SMIM10L3: variants seen among roughly 807,000 people sequenced by gnomAD.
SMIM10L3 encodes the protein salivary gland specific protein SAGSIN1.
the SMIM10L3 span, among the ~76,000 whole-genome samples, chr7:6,343,086 G>C: frequency 6.7e-6 from 1 of 149,846 alleles, no homozygotes; most frequent in Non-Finnish European, 1.5e-5. Context: ...GAAAAGAAAA[G>C]AAAAAATTGG....
chr7:6,347,736 C>A, the SMIM10L3 span, among the ~76,000 whole-genome samples: 1 of 151,894 alleles, frequency 6.6e-6, no homozygotes, highest in Non-Finnish European at 1.5e-5. Flanking sequence ...ACTTCCAATC[C>A]ATTTTTAGCT....
the SMIM10L3 span, among the ~76,000 whole-genome samples, chr7:6,331,635 C>T: frequency 6.6e-6 from 1 of 151,916 alleles, no homozygotes; most frequent in African/African-American, 2.4e-5. Flanking sequence ...TCGCCTTGGC[C>T]TCCCAAAGTA....
the SMIM10L3 span, among the ~76,000 whole-genome samples, chr7:6,337,620 T>G: frequency 6.6e-6 from 1 of 151,638 alleles, no homozygotes; most frequent in Non-Finnish European, 1.5e-5. Context: ...ACTAACGCAG[T>G]ATAAGGTACC....
the SMIM10L3 span, among the ~76,000 whole-genome samples, chr7:6,333,791 G>C: frequency 1.4e-5 from 2 of 143,890 alleles, no homozygotes; most frequent in Non-Finnish European, 3.0e-5. Context: ...TTTTTTAATA[G>C]AGACAGGGTC....
the SMIM10L3 span, chr7:6,330,650 C>G: frequency 1.2e-6 from 2 of 1,614,108 alleles, no homozygotes; most frequent in Non-Finnish European, 1.7e-6. Context: ...GGTGGGTCAT[C>G]CTGAAAACTT....
chr7:6,346,334 A>C, the SMIM10L3 span, among the ~76,000 whole-genome samples: 1 of 152,088 alleles, frequency 6.6e-6, no homozygotes, highest in African/African-American at 2.4e-5. Flanking sequence ...ACAGTACCTC[A>C]ATTTGGACCT....
the SMIM10L3 span, chr7:6,330,637 C>G: frequency 2.6e-5 from 42 of 1,614,024 alleles, no homozygotes; most frequent in Non-Finnish European, 3.3e-5. Flanking sequence ...GGGAAAAGCA[C>G]TTGGTGGGTC....
the SMIM10L3 span, among the ~76,000 whole-genome samples, chr7:6,332,925 C>A: frequency 6.6e-6 from 1 of 152,016 alleles, no homozygotes; most frequent in African/African-American, 2.4e-5. Context: ...CTTTGGGAGG[C>A]CAAGGCGGAC....
chr7:6,330,916 C>A, the SMIM10L3 span: 1 of 1,614,226 alleles, frequency 6.2e-7, no homozygotes, highest in Non-Finnish European at 8.5e-7. Flanking sequence ...AAGCACTGGG[C>A]CGCCACTGTG....
the SMIM10L3 span, among the ~76,000 whole-genome samples, chr7:6,335,367 C>T: frequency 6.6e-6 from 1 of 151,834 alleles, no homozygotes. Flanking sequence ...TGATTACAAG[C>T]GCCCGCCACC....
chr7:6,339,839 A>C, the SMIM10L3 span, among the ~76,000 whole-genome samples: 2 of 151,658 alleles, frequency 1.3e-5, no homozygotes, highest in South Asian at 2.1e-4. Flanking sequence ...GTGCGATCAC[A>C]AGGAGAGGAG....
At chr7:6,343,542 T>C in the SMIM10L3 span, among the ~76,000 whole-genome samples, 1 of 151,272 alleles carries the variant, frequency 6.6e-6, no homozygotes, top group African/African-American at 2.4e-5. Context: ...CACAGTACCA[T>C]TTTTAATCTT....
chr7:6,339,908 T>A, the SMIM10L3 span, among the ~76,000 whole-genome samples: 130 of 144,530 alleles, frequency 9.0e-4, no homozygotes, highest in African/African-American at 3.0e-3. Context: ...GCAGGGAGCA[T>A]GAGTCTCACT....
At chr7:6,337,073 CTTT>C in the SMIM10L3 span, among the ~76,000 whole-genome samples, 1 of 144,874 alleles carries the variant, frequency 6.9e-6, no homozygotes. Context: ...TATTTTAATT[CTTT>C]TTTTTTTTTT....
the SMIM10L3 span, among the ~76,000 whole-genome samples, chr7:6,340,009 T>C: frequency 6.6e-6 from 1 of 152,022 alleles, no homozygotes; most frequent in Non-Finnish European, 1.5e-5. Flanking sequence ...CTCAGCCTCC[T>C]GAGTAGCTGG....
chr7:6,343,372 C>T, the SMIM10L3 span, among the ~76,000 whole-genome samples: 10 of 129,400 alleles, frequency 7.7e-5, no homozygotes, highest in Non-Finnish European at 1.4e-4. Flanking sequence ...AGTGAAACTC[C>T]GTCTCAAAAA....
chr7:6,339,928 A>C, the SMIM10L3 span, among the ~76,000 whole-genome samples: 3 of 152,012 alleles, frequency 2.0e-5, no homozygotes, highest in Non-Finnish European at 4.4e-5. Context: ...TCTGCCGCCC[A>C]GGCTGGAGTG....
At chr7:6,335,443 GT>G in the SMIM10L3 span, among the ~76,000 whole-genome samples, 4 of 151,808 alleles carry the variant, frequency 2.6e-5, no homozygotes, top group Admixed American at 2.6e-4. Flanking sequence ...TGCCAGGCTG[GT>G]CTTGATGTCC....
chr7:6,342,611 A>G, the SMIM10L3 span, among the ~76,000 whole-genome samples: 26 of 152,224 alleles, frequency 1.7e-4, no homozygotes, highest in Admixed American at 2.6e-4. Context: ...CTAAGTATAC[A>G]CCCAAGAGAA....
Sources: gnomAD v4.1 joint callset for allele counts (sites outside exome capture counted in the v4.1 genomes callset) on GRCh38, gnomAD v4.1.1 for gene constraint, MANE v1.5 for transcripts, NCBI Gene and HGNC (gene_info 2026-07-23, HGNC 2026-07-21) for gene names.